ZC3H11A: variants seen among roughly 807,000 people sequenced by gnomAD.
ZC3H11A encodes the protein zinc finger CCCH-type containing 11A, also known as zinc finger CCCH domain-containing protein 11A.
ZC3H11A carries 22 observed loss-of-function variants against 90.8 expected under a neutral mutation model. The ratio of observed to expected loss-of-function variants is 0.24; its 90% CI spans 0.17 to 0.35. The LOEUF is 0.35. ZC3H11A is among the 10% of genes least tolerant of loss of function. The pLI is 1.00. For missense variants in ZC3H11A, 701 were observed against 964.9 expected (o/e 0.73, Z 3.62); for synonymous variants, 294 against 339.8 (o/e 0.87, Z 1.48).
rs1165503620 is a variant in ZC3H11A, at chr1:203,798,695, G to A, written c.-1587-2880G>A. ...TTCCCGTTGCAGAGCAAGGCACTCTGATGCGTGCGCAGGAGAGAGAAACAA... is the reference window on the plus strand; with the variant it reads ...TTCCCGTTGCAGAGCAAGGCACTCTAATGCGTGCGCAGGAGAGAGAAACAA... On this transcript the variant is annotated intron_variant, in intron 1 of 17. Transcript: ENST00000367210. 5 of 1,536,114 alleles carry A rather than the reference G, an allele frequency of 3.3e-6. No individual in the cohort carries two copies. The South Asian group carries it at 4.8e-5, about 15-fold the overall frequency.
At position 203,849,845 on chromosome 1, in the gene ZC3H11A, C is replaced by A. The variant is rs41299639; in HGVS notation, c.1758C>A (p.Ala586=). ...TGACACCTCTTCGGGGAGATGTAGC[C>A]TCTTGCAATACCCAAGTGGCAGAGA... ...SVLTPLRGDV[A]SCNTQVAEKP... Residue 586 remains alanine, a synonymous_variant, in exon 15 of 18, where the codon GCC becomes GCA. Transcript: ENST00000367210. 317,861 of 1,613,696 alleles carry A rather than the reference C, an allele frequency of 0.2. 32,139 individuals are homozygous for A. Among genetic ancestry groups the A allele is most frequent in the Middle Eastern group, 0.27 (1,665 of 6,058 alleles).
intron 10 of ZC3H11A, among the ~76,000 whole-genome samples, chr1:203,834,711 A>G (rs1683670150): frequency 1.3e-5 from 2 of 150,414 alleles, no homozygotes; most frequent in Admixed American, 1.3e-4. Flanking sequence ...GTGCACTGGC[A>G]CAATCTCAGC....
chr1:203,845,602 C>T (rs1044993226), intron 12 of ZC3H11A, among the ~76,000 whole-genome samples: 4 of 152,198 alleles, frequency 2.6e-5, no homozygotes, highest in African/African-American at 4.8e-5. Context: ...TGGTGGCTCA[C>T]GCCTGTAATC....
intron 9 of ZC3H11A, among the ~76,000 whole-genome samples, 187 bp downstream of exon 9, chr1:203,831,958 A>G (rs1268793575): frequency 1.3e-5 from 2 of 152,230 alleles, no homozygotes; most frequent in Non-Finnish European, 1.5e-5. Context: ...TTCTTTGTCA[A>G]GCAGCCCTCA....
In ZC3H11A at chr1:203,829,762, T is replaced by G. The variant is rs781733793; in HGVS notation, c.503-18T>G. 1.9e-6 allele frequency: 3 copies of G among 1,613,502 alleles called. No homozygotes were observed. Among genetic ancestry groups the G allele is most frequent in the Admixed American group, 1.7e-5 (1 of 60,010 alleles). On this transcript the variant is annotated intron_variant, in intron 6 of 17. Coordinates refer to ENST00000367210, the MANE Select transcript of ZC3H11A (RefSeq NM_001376342.1). ...GCGTATTTTTAATTGTGAATTTGCC[T>G]TAAATGTTGATATATAGATCAGTTT... is the stretch of plus-strand genomic sequence containing the variant.
At position 203,849,812 on chromosome 1, in the gene ZC3H11A, A is replaced by G; in HGVS notation, c.1725A>G (p.Lys575=). The part of the protein sequence containing the change: ...KHMQKQQERE[K]SVLTPLRGDV... Reference sequence around the variant, plus strand: ...TGCAGAAACAGCAGGAGAGGGAAAAATCAGTCTTGACACCTCTTCGGGGAG... The same window carrying G: ...TGCAGAAACAGCAGGAGAGGGAAAAGTCAGTCTTGACACCTCTTCGGGGAG... The change falls in exon 15 of 18, where the codon AAA becomes AAG. Residue 575 remains lysine, a synonymous_variant. Coordinates refer to ENST00000367210, the MANE Select transcript of ZC3H11A (RefSeq NM_001376342.1). 3 of 1,614,000 alleles carry G rather than the reference A, an allele frequency of 1.9e-6. No individual in the cohort carries two copies. Among genetic ancestry groups the G allele is most frequent in the Non-Finnish European group, 2.5e-6 (3 of 1,179,920 alleles).
In ZC3H11A at chr1:203,842,077, G is replaced by A. The variant is rs539375731; in HGVS notation, c.1042+1703G>A. 1.9e-3 allele frequency among the ~76,000 whole-genome samples: 283 copies of A among 151,776 alleles called. 2 individuals carry two copies. The highest frequency in any genetic ancestry group is 6.5e-3 in the African/African-American group (267 of 41,366). On this transcript the variant is annotated intron_variant, in intron 12 of 17. Transcript: ENST00000367210. Reference sequence around the variant, plus strand: ...CAGAGACACTCCTCACTTCCTAGACGGGATGGCGGCTGGGAAGAGGCGCTC... The same window carrying A: ...CAGAGACACTCCTCACTTCCTAGACAGGATGGCGGCTGGGAAGAGGCGCTC...
rs1206527269 is a variant in ZC3H11A, at chr1:203,852,605, G to A, written c.*206G>A. 4 of 592,528 alleles carry A rather than the reference G, an allele frequency of 6.8e-6. No homozygotes were observed. In the Admixed American group the frequency reaches 9.5e-5, roughly 14 times the overall value. 36.7% of individuals were successfully genotyped at this position (592,528 alleles called of 1,614,324 possible). A position where few individuals can be genotyped will look rare whatever the true frequency, so the allele number is the denominator to read the frequency against. On this transcript the variant is annotated 3_prime_UTR_variant, in exon 18 of 18. Coordinates refer to ENST00000367210, the MANE Select transcript of ZC3H11A (RefSeq NM_001376342.1). Reference sequence around the variant, plus strand: ...TTTATAACCATTTTGTCCATTTGATGCCATTGTTTATCATCTTTTGAGAAA... The same window carrying A: ...TTTATAACCATTTTGTCCATTTGATACCATTGTTTATCATCTTTTGAGAAA...
intron 8 of ZC3H11A, 39 bp downstream of exon 8, chr1:203,830,242 C>A: frequency 6.7e-7 from 1 of 1,495,022 alleles, no homozygotes; most frequent in Non-Finnish European, 9.1e-7. Flanking sequence ...TTGTATGTTG[C>A]TAGGGAAGAA....
chr1:203,799,785 C>A, intron 1 of ZC3H11A: 2 of 1,094,300 alleles, frequency 1.8e-6, no homozygotes, highest in South Asian at 1.3e-5. Flanking sequence ...AGATACCCTA[C>A]TAAGTGCCAT....
At chr1:203,798,904 A>G in intron 1 of ZC3H11A, 1 of 1,536,126 alleles carries the variant, frequency 6.5e-7, no homozygotes, top group Non-Finnish European at 8.7e-7. Flanking sequence ...CCTCAGTTAT[A>G]TGATTGTGTC....
chr1:203,847,618 A>C lies in ZC3H11A; in HGVS notation c.1477A>C (p.Thr493Pro), dbSNP rs758078429. The C allele has an allele frequency of 6.2e-7, 1 of 1,613,462 alleles. No individual in the cohort carries two copies. Among genetic ancestry groups the C allele is most frequent in the Non-Finnish European group, 8.5e-7 (1 of 1,179,998 alleles). The part of the protein sequence containing the change: ...LRVQQSSESS[T>P]SSPSQHEATP... The stretch of plus-strand genomic sequence containing the variant: ...GGTGCAGCAGAGCTCTGAGAGCAGC[A>C]CCAGCTCCCCGTCTCAACACGAGGC... The change falls in exon 13 of 18, where the codon ACC (threonine) becomes CCC (proline). Residue 493 changes from threonine to proline, a missense_variant. Physicochemically the swap from Thr to Pro is conservative, Grantham distance 38. This residue lies in a region of ZC3H11A where 530 missense variants were observed against 696.2 expected (regional missense o/e 0.76). Coordinates refer to ENST00000367210, the MANE Select transcript of ZC3H11A (RefSeq NM_001376342.1).
chr1:203,816,316 A>G (rs1232526599), intron 2 of ZC3H11A, among the ~76,000 whole-genome samples: 1 of 152,174 alleles, frequency 6.6e-6, no homozygotes, highest in African/African-American at 2.4e-5. Flanking sequence ...ATACATACAT[A>G]TATACATATA....
At chr1:203,813,509 A>G (rs1323190858) in intron 2 of ZC3H11A, among the ~76,000 whole-genome samples, 1 of 152,184 alleles carries the variant, frequency 6.6e-6, no homozygotes, top group Non-Finnish European at 1.5e-5. Flanking sequence ...CATTTGTTCC[A>G]GTAACATATG....
chr1:203,830,088 C>T (rs560631681), intron 7 of ZC3H11A, 35 bp from the exon 8 acceptor site: 2 of 1,521,418 alleles, frequency 1.3e-6, no homozygotes, highest in African/African-American at 1.4e-5. Context: ...TGAAAAGGCT[C>T]CCGTTCCTCA....
At chr1:203,842,608 G>A (rs1266066773) in intron 12 of ZC3H11A, among the ~76,000 whole-genome samples, 2 of 148,858 alleles carry the variant, frequency 1.3e-5, no homozygotes, top group African/African-American at 2.5e-5. Context: ...GGGGAGAGGG[G>A]GAGGGGGAGG....
intron 9 of ZC3H11A, among the ~76,000 whole-genome samples, 166 bp from the exon 10 acceptor site, chr1:203,833,625 T>TTTTTTG (rs1683221016): frequency 6.7e-6 from 1 of 149,418 alleles, no homozygotes; most frequent in Admixed American, 6.7e-5. Context: ...TGGGTTTTTT[T>TTTTTTG]TTTTTTTTTT....
At chr1:203,809,465 C>T (rs1007379569) in intron 2 of ZC3H11A, among the ~76,000 whole-genome samples, 8 of 152,112 alleles carry the variant, frequency 5.3e-5, no homozygotes, top group Non-Finnish European at 7.4e-5. Context: ...CCTGAGCCAC[C>T]GCACCCAGCC....
At chr1:203,827,984 G>A (rs1681110018) in intron 4 of ZC3H11A, among the ~76,000 whole-genome samples, 1 of 152,162 alleles carries the variant, frequency 6.6e-6, no homozygotes, top group Admixed American at 6.5e-5. Flanking sequence ...TAGAGATTCA[G>A]ACCGTTATCT....
Sources: gnomAD v4.1 joint callset for allele counts (sites outside exome capture counted in the v4.1 genomes callset) on GRCh38, gnomAD v4.1.1 for gene constraint, gnomAD v4.1.1 regional missense constraint, MANE v1.5 for transcripts, NCBI Gene and HGNC (gene_info 2026-07-23, HGNC 2026-07-21) for gene names.